Variants in RAP1GDS1 observed in about 807,000 individuals in gnomAD.
RAP1GDS1 encodes the protein RAP1, GTP-GDP dissociation stimulator 1.
Under a neutral mutation model 71.1 loss-of-function variants are expected in RAP1GDS1, and 35 were observed. The ratio of observed to expected loss-of-function variants is 0.49; its 90% CI spans 0.38 to 0.65. The LOEUF (loss-of-function observed/expected upper bound fraction) is 0.65, where lower values mean the gene tolerates loss of function less well. Ranked by LOEUF, RAP1GDS1 falls within the 30% of genes least tolerant of loss-of-function variation. The pLI is 0.00. For synonymous variants in RAP1GDS1, 229 were observed against 243.1 expected (o/e 0.94, Z 0.54); for missense variants, 663 against 706.1 (o/e 0.94, Z 0.69).
At chr4:98,409,992 T>C (rs1746783672) in intron 7 of RAP1GDS1, among the ~76,000 whole-genome samples, 1 of 152,148 alleles carries the variant, frequency 6.6e-6, no homozygotes, top group Admixed American at 6.5e-5. Context: ...AACTTCTGGC[T>C]AGCCTGGTGG....
chr4:98,416,411 A>G (rs532245152), intron 7 of RAP1GDS1, among the ~76,000 whole-genome samples: 4 of 129,346 alleles, frequency 3.1e-5, no homozygotes, highest in East Asian at 2.2e-4. Context: ...CAGTGTTGCA[A>G]TCTTGGCTCA....
At position 98,261,416 on chromosome 4, in the gene RAP1GDS1, C is replaced by G; in HGVS notation, c.-150C>G. 1 of 480,264 alleles carries G rather than the reference C, an allele frequency of 2.1e-6. No homozygotes were observed. Among genetic ancestry groups the G allele is most frequent in the Non-Finnish European group, 3.1e-6 (1 of 323,896 alleles). The allele number at this position is 480,264 out of a possible 1,614,324, so 29.8% of individuals were successfully genotyped here. A position where few individuals can be genotyped will look rare whatever the true frequency, so the allele number is the denominator to read the frequency against. ...CCCGCCGCGGCCGCGCCGCCTGCAG[C>G]AGCACCAGCTGCTCCTCCCCGGCGG... On this transcript the variant is annotated 5_prime_UTR_variant, in exon 1 of 15. Transcript: ENST00000408927.
At chr4:98,312,053 T>C (rs995116306) in intron 2 of RAP1GDS1, among the ~76,000 whole-genome samples, 5 of 152,130 alleles carry the variant, frequency 3.3e-5, no homozygotes, top group African/African-American at 1.2e-4. Context: ...GGATGGTAAA[T>C]AATGGAAAGC....
chr4:98,350,704 G>A (rs999976140), intron 3 of RAP1GDS1, among the ~76,000 whole-genome samples: 2 of 152,174 alleles, frequency 1.3e-5, no homozygotes, highest in African/African-American at 4.8e-5. Flanking sequence ...TGGCTGTGGT[G>A]GCACTTGCCT....
intron 4 of RAP1GDS1, among the ~76,000 whole-genome samples, chr4:98,368,415 T>G (rs6822914): frequency 1.3e-5 from 2 of 152,094 alleles, no homozygotes; most frequent in Admixed American, 1.3e-4. Context: ...GCACTGCTTT[T>G]TAATAAAAAG....
At chr4:98,325,699 A>C (rs895032820) in intron 2 of RAP1GDS1, among the ~76,000 whole-genome samples, 4 of 146,352 alleles carry the variant, frequency 2.7e-5, no homozygotes, top group African/African-American at 1.0e-4. Flanking sequence ...GAATATTCTC[A>C]CTCATAGGTG....
chr4:98,323,837 G>C (rs1287806274), intron 2 of RAP1GDS1, among the ~76,000 whole-genome samples: 2 of 149,372 alleles, frequency 1.3e-5, no homozygotes, highest in Non-Finnish European at 3.0e-5. Context: ...GCAAAAACTG[G>C]AAGCATTCCC....
At chr4:98,347,546 G>A (rs1329243713) in intron 3 of RAP1GDS1, among the ~76,000 whole-genome samples, 3 of 152,134 alleles carry the variant, frequency 2.0e-5, no homozygotes, top group Non-Finnish European at 4.4e-5. Context: ...ATTCTATGTT[G>A]TGTAGGCAAA....
chr4:98,346,471 G>A (rs979907938), intron 3 of RAP1GDS1, among the ~76,000 whole-genome samples: 1 of 152,074 alleles, frequency 6.6e-6, no homozygotes, highest in Non-Finnish European at 1.5e-5. Context: ...CCAGAAAAAT[G>A]CACTATATTG....
chr4:98,428,694 A>T (rs1749966510), intron 12 of RAP1GDS1, among the ~76,000 whole-genome samples: 1 of 152,134 alleles, frequency 6.6e-6, no homozygotes, highest in Non-Finnish European at 1.5e-5. Context: ...AAAATAATAG[A>T]TGTTGGCATG....
chr4:98,356,286 G>T (rs1189284646), intron 4 of RAP1GDS1, among the ~76,000 whole-genome samples: 1 of 151,994 alleles, frequency 6.6e-6, no homozygotes, highest in African/African-American at 2.4e-5. Context: ...TAAAAAAGAG[G>T]ATTATGTTCT....
At chr4:98,297,308 C>T (rs1282336771) in intron 2 of RAP1GDS1, among the ~76,000 whole-genome samples, 1 of 152,078 alleles carries the variant, frequency 6.6e-6, no homozygotes, top group Non-Finnish European at 1.5e-5. Flanking sequence ...TTCTAGGCTA[C>T]AATGCTAAGC....
intron 5 of RAP1GDS1, 60 bp downstream of exon 5, chr4:98,379,223 A>G (rs1741625799): frequency 1.4e-5 from 19 of 1,384,246 alleles, no homozygotes; most frequent in Non-Finnish European, 1.8e-5. Context: ...TATCTTTACT[A>G]TAGTGCAAAA....
chr4:98,263,513 G>T (rs1170117496), intron 1 of RAP1GDS1, among the ~76,000 whole-genome samples: 2 of 152,146 alleles, frequency 1.3e-5, no homozygotes, highest in East Asian at 1.9e-4. Flanking sequence ...GATACTCTTT[G>T]GTTAATCTGT....
chr4:98,388,587 G>A (rs562071921), intron 5 of RAP1GDS1, among the ~76,000 whole-genome samples: 83 of 152,252 alleles, frequency 5.5e-4, no homozygotes, highest in Non-Finnish European at 6.3e-4. Flanking sequence ...TTAGCTAGGT[G>A]TGGTGGCAGG....
intron 4 of RAP1GDS1, among the ~76,000 whole-genome samples, chr4:98,368,683 A>T (rs981713963): frequency 1.3e-5 from 2 of 152,108 alleles, no homozygotes; most frequent in African/African-American, 4.8e-5. Context: ...TATGATTTGT[A>T]TGATTATGTT....
At position 98,418,667 on chromosome 4, in the gene RAP1GDS1, T is replaced by C; in HGVS notation, c.1050T>C (p.Cys350=). ...TGTTTTTTTTTTCAGATGCAAATTGTATTCATATGGTAGACAATGGGATTG... is the reference window on the plus strand; with the variant it reads ...TGTTTTTTTTTTCAGATGCAAATTGCATTCATATGGTAGACAATGGGATTG... ...IANFARNDAN[C]IHMVDNGIVE... is the part of the protein sequence containing the mutation. Residue 350 remains cysteine, a synonymous_variant, in exon 10 of 15, where the codon TGT becomes TGC. Transcript: ENST00000408927. 1 of 1,590,464 alleles carries C rather than the reference T, an allele frequency of 6.3e-7. No individual in the cohort carries two copies. Among genetic ancestry groups the C allele is most frequent in the East Asian group, 2.2e-5 (1 of 44,636 alleles).
intron 2 of RAP1GDS1, among the ~76,000 whole-genome samples, chr4:98,317,089 C>T (rs1201151059): frequency 6.6e-6 from 1 of 152,010 alleles, no homozygotes; most frequent in African/African-American, 2.4e-5. Context: ...TCTGGTTTGA[C>T]TAATATTATT....
Position 98,352,579 on chromosome 4 carries a change from A to T in RAP1GDS1, c.339A>T (p.Leu113=), listed in dbSNP as rs760715672. The T allele has an allele frequency of 8.7e-6, 14 of 1,613,906 alleles. No individual in the cohort carries two copies. Among genetic ancestry groups the T allele is most frequent in the Middle Eastern group, 1.6e-4 (1 of 6,082 alleles). The change falls in exon 4 of 15, where the codon CTA becomes CTT. Residue 113 remains leucine (L), a synonymous_variant. Coordinates refer to ENST00000408927, the MANE Select transcript of RAP1GDS1 (RefSeq NM_001100427.2). The part of the protein sequence containing the change: ...QEVLLQTGRA[L]GNICYDSHEG... The stretch of plus-strand genomic sequence containing the variant: ...TGCTGCTTCAAACGGGCAGGGCTCT[A>T]GGAAACATATGTTACGATAGCCGTA...
Sources: allele counts gnomAD v4.1 joint callset (sites outside exome capture counted in the v4.1 genomes callset), GRCh38; gene constraint gnomAD v4.1.1; transcripts MANE v1.5; gene names NCBI Gene and HGNC (gene_info 2026-07-23, HGNC 2026-07-21).